Variants in LIM2 observed in about 807,000 individuals in gnomAD.
The protein encoded by LIM2 is lens intrinsic membrane protein 2.
A neutral mutation model predicts 19.0 loss-of-function variants in LIM2; 14 were observed. The observed-to-expected ratio is 0.74, with a 90% confidence interval of 0.49 to 1.15. The LOEUF is 1.15. Ranked by LOEUF, LIM2 falls within the 50% of genes most tolerant of loss-of-function variation. The probability of loss-of-function intolerance (pLI) is 0.00; values close to 1 mark genes in which losing one functional copy is unlikely to be tolerated. For missense variants in LIM2, 230 were observed against 243.5 expected, an observed-to-expected ratio of 0.94 and a Z score of 0.37; for synonymous variants, 78 against 89.6, an observed-to-expected ratio of 0.87 and a Z score of 0.73.
chr19:51,385,121 C>T (rs1986999534), intron 2 of LIM2, among the ~76,000 whole-genome samples: 1 of 151,946 alleles, frequency 6.6e-6, no homozygotes, highest in African/African-American at 2.4e-5. Context: ...CTCAGCCTCC[C>T]GAAGTGCTGG....
chr19:51,380,205 C>A lies in LIM2; in HGVS notation c.518G>T (p.Arg173Leu), dbSNP rs142283208. The A allele has an allele frequency of 1.9e-6, 3 of 1,613,380 alleles. No individual in the cohort carries two copies. The highest frequency in any genetic ancestry group is 2.2e-5 in the South Asian group (2 of 90,982). ...AGTTGGGGGACACATTTGGGCTCAG[C>A]GGGGTGTAGACAGGCGCCGGCATTC... ...VHECRRLSTPR is the reference protein window; with the variant it reads ...VHECRRLSTPL The change falls in exon 5 of 5, where the codon CGC (arginine) becomes CTC (leucine). Residue 173 changes from arginine to leucine, a missense_variant. Physicochemically the swap from Arg to Leu is moderately radical, Grantham distance 102. Coordinates refer to ENST00000596399, the MANE Select transcript of LIM2 (RefSeq NM_001161748.2).
chr19:51,380,304 C>T lies in LIM2; in HGVS notation c.461-42G>A, dbSNP rs202079759. The T allele has an allele frequency of 2.3e-4, 364 of 1,607,812 alleles. 1 individual carries two copies. The African/African-American group carries it at 4.1e-3, about 18-fold the overall frequency. On this transcript the variant is annotated intron_variant, in intron 4 of 4. Coordinates refer to ENST00000596399, the MANE Select transcript of LIM2 (RefSeq NM_001161748.2). ...TCAAATTCACCCCCTCAAACCTCCCCCAGCTCCATTTCCACCCCAAGAGAG... is the reference window on the plus strand; with the variant it reads ...TCAAATTCACCCCCTCAAACCTCCCTCAGCTCCATTTCCACCCCAAGAGAG...
In LIM2 at chr19:51,380,486, C is replaced by G. The variant is rs148588043; in HGVS notation, c.460+19G>C. 2.7e-4 allele frequency: 435 copies of G among 1,614,168 alleles called. 1 individual carries two copies. In the African/African-American group the frequency reaches 5.4e-3, roughly 20 times the overall value. ...ACTCTGCCCCAGGCACTGACCTTCC[C>G]ACCCCTTGCCCCCAGTACCTGCGAA... On this transcript the variant is annotated intron_variant, in intron 4 of 4. Transcript: ENST00000596399.
chr19:51,386,117 TATTA>T, intron 2 of LIM2, among the ~76,000 whole-genome samples: 1 of 151,698 alleles, frequency 6.6e-6, no homozygotes, highest in East Asian at 1.9e-4. Context: ...TATTATATAT[TATTA>T]ATTAATTTTT....
intron 2 of LIM2, chr19:51,386,993 G>A (rs1472583911): frequency 3.9e-5 from 27 of 699,332 alleles, no homozygotes; most frequent in Non-Finnish European, 4.7e-5. Flanking sequence ...ATGCTGTTTC[G>A]TGACACTAGC....
Position 51,387,326 on chromosome 19 carries a change from G to C in LIM2, c.118C>G (p.Gln40Glu). ...QYRLSGSFAHQGLWRYCLGNK... is the reference protein window; with the variant it reads ...QYRLSGSFAHEGLWRYCLGNK... ...CCCAGGCAGTACCGCCACAGGCCCT[G>C]GTGGGCGAAGGACCCTGACAGCCGG... Residue 40 changes from glutamine to glutamate, a missense_variant, in exon 2 of 5, where the codon CAG (glutamine) becomes GAG (glutamate). Transcript: ENST00000596399. 1 of 1,614,178 alleles carries C rather than the reference G, an allele frequency of 6.2e-7. No individual in the cohort carries two copies.
At position 51,380,256 on chromosome 19, in the gene LIM2, A is replaced by G. The variant is rs1218252517; in HGVS notation, c.467T>C (p.Phe156Ser). Residue 156 changes from phenylalanine (F) to serine (S), a missense_variant, in exon 5 of 5, where the codon TTC (phenylalanine) becomes TCC (serine). Coordinates refer to ENST00000596399, the MANE Select transcript of LIM2 (RefSeq NM_001161748.2). ...AVLMTFFAGI[F>S]YMCAYRVHEC... ...ATGCACCCGGTAGGCGCACATGTAG[A>G]AAATCCCTGCATGAGAAGAAGTTCA... 12 of 1,613,562 alleles carry G rather than the reference A, an allele frequency of 7.4e-6. No individual in the cohort carries two copies. The highest frequency in any genetic ancestry group is 1.0e-5 in the Non-Finnish European group (12 of 1,179,788).
rs771389349 is a variant in LIM2 at position 51,382,570 on chromosome 19, G to T, written c.176-3C>A. The T allele has an allele frequency of 6.2e-7, 1 of 1,613,222 alleles. No homozygotes were observed. Among genetic ancestry groups the T allele is most frequent in the Non-Finnish European group, 8.5e-7 (1 of 1,179,846 alleles). On this transcript the variant is annotated splice_region_variant and splice_polypyrimidine_tract_variant and intron_variant, in intron 2 of 4. Coordinates refer to ENST00000596399, the MANE Select transcript of LIM2 (RefSeq NM_001161748.2). ...GGCCCGGGTGGCATTCCAGTATGCT[G>T]TGGGAGCACCCCATGGTCATTCCCA...
rs1475282515 is a variant in LIM2 at position 51,387,410 on chromosome 19, C to T, written c.34G>A (p.Ala12Thr). ...YSFMGGGLFCAWVGTILLVVA... is the reference protein window; with the variant it reads ...YSFMGGGLFCTWVGTILLVVA... ...ACCAGGAGGATGGTCCCCACCCAGG[C>T]ACAGAACAGGCCACCACCCATGAAG... The change falls in exon 2 of 5, where the codon GCC (alanine) becomes ACC (threonine). Residue 12 changes from alanine to threonine, a missense_variant. Ala to Thr is a moderately conservative substitution (Grantham distance 58, BLOSUM62 0). Transcript: ENST00000596399. The T allele has an allele frequency of 1.9e-6, 3 of 1,614,140 alleles. No individual in the cohort carries two copies. Among genetic ancestry groups the T allele is most frequent in the Admixed American group, 3.3e-5 (2 of 60,034 alleles).
chr19:51,382,386 G>A (rs1986917095), intron 3 of LIM2, 32 bp downstream of exon 3: 1 of 1,612,218 alleles, frequency 6.2e-7, no homozygotes, highest in South Asian at 1.1e-5. Flanking sequence ...TGAGAGCGAG[G>A]AGAGGGGTAG....
chr19:51,380,661 A>T (rs1986872489), intron 3 of LIM2, 22 bp from the exon 4 acceptor site: 1 of 1,601,370 alleles, frequency 6.2e-7, no homozygotes, highest in South Asian at 1.1e-5. Context: ...GGGCGGGAGG[A>T]TGCAGGTGGG....
chr19:51,384,379 C>T (rs1298086670), intron 2 of LIM2, among the ~76,000 whole-genome samples: 1 of 152,104 alleles, frequency 6.6e-6, no homozygotes, highest in Non-Finnish European at 1.5e-5. Context: ...TGCAGTGAGC[C>T]AAGATCATTC....
At chr19:51,383,507 A>G (rs1192840876) in intron 2 of LIM2, among the ~76,000 whole-genome samples, 1 of 152,208 alleles carries the variant, frequency 6.6e-6, no homozygotes, top group Non-Finnish European at 1.5e-5. Flanking sequence ...GGTGCATAAT[A>G]GGTGCCCAAT....
In LIM2 at chr19:51,380,054, G is replaced by T; in HGVS notation, c.*147C>A. 1.3e-6 allele frequency: 1 copy of T among 744,644 alleles called. No homozygotes were observed. The highest frequency in any genetic ancestry group is 2.4e-6 in the Non-Finnish European group (1 of 423,420). The allele number at this position is 744,644 out of a possible 1,614,324, so 46.1% of individuals were successfully genotyped here. A position where few individuals can be genotyped will look rare whatever the true frequency, so the allele number is the denominator to read the frequency against. ...TCTTCCTCCTTCCAGCCTAGGACCAGGAGTCAGCCTCCCCCCACAAACCCA... is the reference window on the plus strand; with the variant it reads ...TCTTCCTCCTTCCAGCCTAGGACCATGAGTCAGCCTCCCCCCACAAACCCA... On this transcript the variant is annotated 3_prime_UTR_variant, in exon 5 of 5. Transcript: ENST00000596399.
At chr19:51,382,701 C>A in intron 2 of LIM2, 134 bp from the exon 3 acceptor site, 1 of 1,216,254 alleles carries the variant, frequency 8.2e-7, no homozygotes. Context: ...TTGCAAATGC[C>A]CTCTTCTTCA....
At chr19:51,382,007 C>T (rs976583640) in intron 3 of LIM2, among the ~76,000 whole-genome samples, 2 of 152,186 alleles carry the variant, frequency 1.3e-5, no homozygotes, top group Admixed American at 6.5e-5. Context: ...GAATTACGGG[C>T]GTGAGCCATC....
At chr19:51,384,662 T>G (rs1986984394) in intron 2 of LIM2, among the ~76,000 whole-genome samples, 1 of 152,104 alleles carries the variant, frequency 6.6e-6, no homozygotes, top group Non-Finnish European at 1.5e-5. Flanking sequence ...TTTGCCCACA[T>G]CTTCATCTCG....
chr19:51,380,497 C>T lies in LIM2; in HGVS notation c.460+8G>A. On this transcript the variant is annotated splice_region_variant and intron_variant, in intron 4 of 4. Transcript: ENST00000596399. ...GGCACTGACCTTCCCACCCCTTGCC[C>T]CCAGTACCTGCGAAGAACGTCATGA... 6.2e-7 allele frequency: 1 copy of T among 1,614,200 alleles called. No homozygotes were observed. The highest frequency in any genetic ancestry group is 8.5e-7 in the Non-Finnish European group (1 of 1,180,044).
In LIM2 at chr19:51,387,213, G is replaced by A. The variant is rs560748825; in HGVS notation, c.175+56C>T. ...TGGAATACAGGTGTCCTTGGGCCCC[G>A]AGGTCCGCCCTGCTCTTTCCCCAGG... is the stretch of plus-strand genomic sequence containing the variant. On this transcript the variant is annotated intron_variant, in intron 2 of 4. Transcript: ENST00000596399. 1.7e-5 allele frequency: 27 copies of A among 1,614,196 alleles called. No individual in the cohort carries two copies. The highest frequency in any genetic ancestry group is 1.1e-4 in the East Asian group (5 of 44,886).
Sources: allele counts gnomAD v4.1 joint callset (sites outside exome capture counted in the v4.1 genomes callset), GRCh38; gene constraint gnomAD v4.1.1; transcripts MANE v1.5; gene names NCBI Gene and HGNC (gene_info 2026-07-23, HGNC 2026-07-21).